Variants in RGPD3 observed in about 807,000 individuals in gnomAD.
RGPD3 encodes ranBP2-like and GRIP domain-containing protein 3.
Under a neutral mutation model 154.5 loss-of-function variants are expected in RGPD3, and 62 were observed. The observed-to-expected ratio is 0.40, with a 90% confidence interval of 0.33 to 0.50. The LOEUF is 0.50. Ranked by LOEUF, RGPD3 falls within the 20% of genes least tolerant of loss-of-function variation. The probability of loss-of-function intolerance (pLI) is 0.59; values close to 1 mark genes in which losing one functional copy is unlikely to be tolerated. For missense variants in RGPD3, 919 were observed against 1,716.8 expected (o/e 0.54, Z 8.21); for synonymous variants, 308 against 607.0 (o/e 0.51, Z 7.24).
At position 106,457,120 on chromosome 2, in the gene RGPD3, A is replaced by T; in HGVS notation, c.256T>A (p.Ser86Thr). ...TTTTGTGTTGGGTTTAATTCCACTG[A>T]ACGCTAATATCAGAAAAGAAATTAA... is the stretch of plus-strand genomic sequence containing the variant. Reference protein sequence around the residue: ...TEKAVECYRRSVELNPTQKDL... With the variant: ...TEKAVECYRRTVELNPTQKDL... The change falls in exon 4 of 23, where the codon TCA becomes ACA. Residue 86 changes from serine (S) to threonine (T), a missense_variant. Physicochemically the swap from Ser to Thr is moderately conservative, Grantham distance 58. Transcript: ENST00000409886. 2 of 1,610,736 alleles carry T rather than the reference A, an allele frequency of 1.2e-6. No individual in the cohort carries two copies. Among genetic ancestry groups the T allele is most frequent in the Non-Finnish European group, 1.7e-6 (2 of 1,179,418 alleles).
At chr2:106,422,916 A>T (rs573365189) in intron 20 of RGPD3, 127 bp downstream of exon 20, 1 of 1,581,864 alleles carries the variant, frequency 6.3e-7, no homozygotes, top group East Asian at 2.2e-5. Context: ...AAAATTGCTC[A>T]AATATTTTAG....
chr2:106,468,163 C>T (rs1342398386), intron 1 of RGPD3, 54 bp downstream of exon 1: 5 of 1,549,980 alleles, frequency 3.2e-6, no homozygotes, highest in East Asian at 2.4e-5. Context: ...CGGGCCGGGT[C>T]GAGGCCGCCG....
chr2:106,412,296 T>G (rs1222887935), intron 22 of RGPD3, among the ~76,000 whole-genome samples: 14 of 21,408 alleles, frequency 6.5e-4, no homozygotes, highest in Non-Finnish European at 1.2e-3. Flanking sequence ...CATCATAGTT[T>G]TTTTTTTTTT....
chr2:106,421,413 G>GA lies in RGPD3; in HGVS notation c.4924+1629dup, dbSNP rs763123843. Among the ~76,000 whole-genome samples, 18 of 151,864 alleles carry GA rather than the reference G, an allele frequency of 1.2e-4. No homozygotes were observed. In the South Asian group the frequency reaches 1.9e-3, roughly 16 times the overall value. On this transcript the variant is annotated intron_variant, in intron 20 of 22. Transcript: ENST00000409886. ...CCGTATCTTTAAAATAAAAGATTAA[G>GA]AGCTACCTTAGCTGGTAATAAAACT...
In RGPD3 at chr2:106,466,288, C is replaced by T. The variant is rs987716643; in HGVS notation, c.72+1929G>A. 2.3e-4 allele frequency among the ~76,000 whole-genome samples: 35 copies of T among 151,986 alleles called. No homozygotes were observed. In the East Asian group the frequency reaches 6.3e-3, roughly 27 times the overall value. ...GCGCCGCCCACAGGACTGCGCCAGC[C>T]GGCGGGCGCCGCAACAGAGCGCGCC... is the stretch of plus-strand genomic sequence containing the variant. On this transcript the variant is annotated intron_variant, in intron 1 of 22. Transcript: ENST00000409886.
chr2:106,442,106 CAGG>C (rs755871731), intron 7 of RGPD3, among the ~76,000 whole-genome samples: 4 of 102,920 alleles, frequency 3.9e-5, no homozygotes, highest in Non-Finnish European at 7.8e-5. Context: ...CACTTAAATC[CAGG>C]AGGTCAAGGC....
intron 17 of RGPD3, among the ~76,000 whole-genome samples, chr2:106,430,387 C>CATTT (rs1677335063): frequency 1.5e-5 from 1 of 64,580 alleles, no homozygotes; most frequent in African/African-American, 4.8e-5. Context: ...CCTACATTAA[C>CATTT]CTGACGTTCA....
At chr2:106,448,816 G>T (rs994809137) in intron 6 of RGPD3, among the ~76,000 whole-genome samples, 4 of 151,578 alleles carry the variant, frequency 2.6e-5, no homozygotes, top group South Asian at 2.1e-4. Context: ...TCAGCCTCCC[G>T]AGCAGCTGGG....
At chr2:106,413,309 A>C in intron 21 of RGPD3, 24 bp from the exon 22 acceptor site, 1 of 1,611,546 alleles carries the variant, frequency 6.2e-7, no homozygotes. Context: ...AATGAGTTAA[A>C]AATGGGCTTT....
chr2:106,405,118 A>G lies in RGPD3; in HGVS notation c.*101T>C. 2.6e-6 allele frequency: 4 copies of G among 1,550,600 alleles called. No homozygotes were observed. Among genetic ancestry groups the G allele is most frequent in the Non-Finnish European group, 3.5e-6 (4 of 1,137,170 alleles). ...TAATACACATGAACCATTTTTGTAA[A>G]TAGATTTTATTTGGTTAATAAAAAC... On this transcript the variant is annotated 3_prime_UTR_variant, in exon 23 of 23. Coordinates refer to ENST00000409886, the MANE Select transcript of RGPD3 (RefSeq NM_001144013.2).
At chr2:106,421,138 T>C (rs1174572766) in intron 20 of RGPD3, among the ~76,000 whole-genome samples, 1 of 152,144 alleles carries the variant, frequency 6.6e-6, no homozygotes, top group African/African-American at 2.4e-5. Context: ...CTGGTATTAC[T>C]CAGTAAAGAC....
chr2:106,468,397 C>G lies in RGPD3; in HGVS notation c.-109G>C, dbSNP rs1678717599. Reference sequence around the variant, plus strand: ...AAAGCCACTGAGGCAGCGGCGTAGCCGGCGGAGGACCACTGTGACGAACTT... The same window carrying G: ...AAAGCCACTGAGGCAGCGGCGTAGCGGGCGGAGGACCACTGTGACGAACTT... On this transcript the variant is annotated 5_prime_UTR_variant, in exon 1 of 23. Transcript: ENST00000409886. The G allele has an allele frequency of 3.3e-6, 5 of 1,534,182 alleles. No individual in the cohort carries two copies. The East Asian group carries it at 7.5e-5, about 23-fold the overall frequency.
chr2:106,470,507 G>A (rs956023477), upstream of RGPD3, among the ~76,000 whole-genome samples: 1 of 151,968 alleles, frequency 6.6e-6, no homozygotes, highest in Admixed American at 6.6e-5. Context: ...CCACATTACT[G>A]AGTCATGAGT....
rs775694184 is a variant in RGPD3, at chr2:106,457,027, AG to A, written c.348del (p.Trp117GlyfsTer18). 2 of 1,611,404 alleles carry A rather than the reference AG, an allele frequency of 1.2e-6. No individual in the cohort carries two copies. Among genetic ancestry groups the A allele is most frequent in the East Asian group, 4.5e-5 (2 of 44,774 alleles). ...AAAAGTTTTGCTGCTCTTTCCACCCAGTATTCTGCTCTTCCATCAGTAACAT... is the reference window on the plus strand; with the variant it reads ...AAAAGTTTTGCTGCTCTTTCCACCCATATTCTGCTCTTCCATCAGTAACAT... ...KNDVTDGRAEYWVERAAKLFP... is the reference protein window; with the variant it reads ...KNDVTDGRAEXWVERAAKLFP... On this transcript the variant is annotated frameshift_variant, in exon 4 of 23. Coordinates refer to ENST00000409886, the MANE Select transcript of RGPD3 (RefSeq NM_001144013.2). LOFTEE classifies it high-confidence loss of function.
At chr2:106,467,173 C>T (rs1392431720) in intron 1 of RGPD3, among the ~76,000 whole-genome samples, 1 of 5,578 alleles carries the variant, frequency 1.8e-4, no homozygotes, top group Non-Finnish European at 3.5e-4. Flanking sequence ...CCTGAGCCAT[C>T]GAGGCCGCCG....
intron 20 of RGPD3, among the ~76,000 whole-genome samples, chr2:106,422,081 T>C (rs957578178): frequency 2.6e-5 from 4 of 152,120 alleles, no homozygotes; most frequent in African/African-American, 7.2e-5. Flanking sequence ...ATACCTTTGC[T>C]CTCAGGCTGT....
chr2:106,414,585 G>C (rs1218313990), intron 21 of RGPD3, among the ~76,000 whole-genome samples: 8 of 149,562 alleles, frequency 5.3e-5, no homozygotes, highest in African/African-American at 2.0e-4. Flanking sequence ...TTGCACCACT[G>C]CACTCCAAAC....
chr2:106,464,361 A>T (rs1678499022), intron 1 of RGPD3, among the ~76,000 whole-genome samples: 2 of 151,188 alleles, frequency 1.3e-5, no homozygotes, highest in South Asian at 4.2e-4. Context: ...AAAAAAGAAA[A>T]GAAAATGTCT....
chr2:106,467,084 G>A (rs1309289832), intron 1 of RGPD3, among the ~76,000 whole-genome samples: 10 of 114,914 alleles, frequency 8.7e-5, no homozygotes, highest in South Asian at 3.6e-4. Context: ...CTGAGCCATC[G>A]AGGCCGCCGC....
Sources: gnomAD v4.1 joint callset for allele counts (sites outside exome capture counted in the v4.1 genomes callset) on GRCh38, gnomAD v4.1.1 for gene constraint, MANE v1.5 for transcripts, NCBI Gene and HGNC (gene_info 2026-07-23, HGNC 2026-07-21) for gene names.